Variants in MYLK observed in about 807,000 individuals in gnomAD.
MYLK encodes the protein myosin light chain kinase, smooth muscle.
In MYLK, 106 loss-of-function variants were observed where a neutral mutation model predicts 203.4. That is an observed-to-expected ratio of 0.52 (90% CI 0.45 to 0.61). The LOEUF (loss-of-function observed/expected upper bound fraction) is 0.61. Ranked by LOEUF, MYLK falls within the 20% of genes least tolerant of loss-of-function variation. The pLI is 0.00. For missense variants in MYLK, 2,072 were observed against 2,442.3 expected, an observed-to-expected ratio of 0.85 and a Z score of 3.20; for synonymous variants, 867 against 959.5, an observed-to-expected ratio of 0.90 and a Z score of 1.78.
At chr3:123,657,068 AC>A in intron 24 of MYLK, 57 bp downstream of exon 24, 1 of 1,586,840 alleles carries the variant, frequency 6.3e-7, no homozygotes, top group Non-Finnish European at 8.7e-7. Flanking sequence ...GTCTTTACAT[AC>A]ACAAGGTCAG....
chr3:123,642,581 G>A lies in MYLK; in HGVS notation c.4620-2077C>T, dbSNP rs1176210533. On this transcript the variant is annotated intron_variant, in intron 27 of 33. Coordinates refer to ENST00000360304, the MANE Select transcript of MYLK (RefSeq NM_053025.4). The surrounding 1 kb of genome is among the most constrained non-coding windows in gnomAD (Gnocchi z 4.2). ...TACTTTAAAACCCATCTGAGAAGAA[G>A]GTCCCCAAATGGCCTGCAGGTGGCG... Among the ~76,000 whole-genome samples the A allele has an allele frequency of 1.3e-5, 2 of 152,170 alleles. No individual in the cohort carries two copies.
At chr3:123,615,315 A>AGAT (rs1429444630) in intron 33 of MYLK, among the ~76,000 whole-genome samples, 2 of 152,000 alleles carry the variant, frequency 1.3e-5, no homozygotes, top group African/African-American at 4.8e-5. Context: ...ATACCTTCTT[A>AGAT]GATTGAAAAT....
chr3:123,753,652 G>T (rs1187562470), intron 4 of MYLK, among the ~76,000 whole-genome samples: 3 of 152,110 alleles, frequency 2.0e-5, no homozygotes, highest in Non-Finnish European at 4.4e-5. Flanking sequence ...AAGAAAGGAA[G>T]TCCCCCAAGG....
intron 3 of MYLK, among the ~76,000 whole-genome samples, chr3:123,796,342 T>TAGGGGGCA: frequency 6.6e-6 from 1 of 152,140 alleles, no homozygotes; most frequent in East Asian, 1.9e-4. Flanking sequence ...AACAGGCATT[T>TAGGGGGCA]GAACCCAAGC....
intron 20 of MYLK, among the ~76,000 whole-genome samples, chr3:123,675,686 C>T (rs1485127898): frequency 6.6e-6 from 1 of 152,112 alleles, no homozygotes; most frequent in African/African-American, 2.4e-5. Context: ...TTCAAAATTC[C>T]CAAAATCAGC....
intron 4 of MYLK, among the ~76,000 whole-genome samples, chr3:123,767,165 G>A (rs976971496): frequency 2.0e-5 from 3 of 152,206 alleles, no homozygotes; most frequent in Non-Finnish European, 4.4e-5. Flanking sequence ...GAATTGGCGG[G>A]GGCTGGGGCC....
rs554289964 is a variant in MYLK at position 123,796,523 on chromosome 3, T to A, written c.-3-2679A>T. Among the ~76,000 whole-genome samples the A allele has an allele frequency of 3.7e-4, 56 of 152,122 alleles. 1 individual carries two copies. Among genetic ancestry groups the A allele is most frequent in the Admixed American group, 1.6e-3 (25 of 15,280 alleles). Reference sequence around the variant, plus strand: ...ATATTCTGTAATACTATCAACAACATTAGAAGATGGGTGATAACCTGGAAT... The same window carrying A: ...ATATTCTGTAATACTATCAACAACAATAGAAGATGGGTGATAACCTGGAAT... On this transcript the variant is annotated intron_variant, in intron 3 of 33. Transcript: ENST00000360304.
chr3:123,707,778 G>A lies in MYLK; in HGVS notation c.2366C>T (p.Ala789Val), dbSNP rs767418150. ...CTTGAGCAGGATCTCATACTGGCCG[G>A]CATGCCAGGGCTGCACCTTCTTTAG... ...LVLKKVQPWH[A>V]GQYEILLKNR... The change falls in exon 16 of 34, where the codon GCC (alanine) becomes GTC (valine). Residue 789 changes from alanine (A) to valine (V), a missense_variant. Ala to Val is a moderately conservative substitution (Grantham distance 64, BLOSUM62 0). Around this residue, in one of 3 missense-constraint regions of MYLK, gnomAD observed 865 missense variants for 1,016.0 expected, o/e 0.85. Transcript: ENST00000360304. 2 of 1,614,228 alleles carry A rather than the reference G, an allele frequency of 1.2e-6. No individual in the cohort carries two copies. Among genetic ancestry groups the A allele is most frequent in the Admixed American group, 1.7e-5 (1 of 60,032 alleles).
At chr3:123,690,535 G>A (rs1239960229) in intron 19 of MYLK, among the ~76,000 whole-genome samples, 1 of 152,208 alleles carries the variant, frequency 6.6e-6, no homozygotes, top group Admixed American at 6.5e-5. Flanking sequence ...GTGGGGTGGA[G>A]CACCAGACGA....
At chr3:123,643,185 G>A (rs553325415) in intron 27 of MYLK, among the ~76,000 whole-genome samples, 10 of 152,262 alleles carry the variant, frequency 6.6e-5, no homozygotes, top group East Asian at 1.9e-4. Context: ...CCTCGTCTCC[G>A]CACTTTGTGT....
chr3:123,854,330 T>C (rs1193698785), intron 2 of MYLK, among the ~76,000 whole-genome samples: 3 of 152,004 alleles, frequency 2.0e-5, no homozygotes, highest in African/African-American at 7.2e-5. Context: ...AAAAAATCTA[T>C]AATTATTATC....
At chr3:123,845,988 C>T (rs2029931543) in intron 2 of MYLK, among the ~76,000 whole-genome samples, 1 of 152,168 alleles carries the variant, frequency 6.6e-6, no homozygotes, top group African/African-American at 2.4e-5. Context: ...GTACATTTTT[C>T]AAAACTAAGA....
At chr3:123,847,450 T>A (rs1187285291) in intron 2 of MYLK, among the ~76,000 whole-genome samples, 1 of 152,160 alleles carries the variant, frequency 6.6e-6, no homozygotes, top group African/African-American at 2.4e-5. Flanking sequence ...CAATGCTGAA[T>A]ATAGCAATAA....
chr3:123,848,159 A>G (rs977301588), intron 2 of MYLK, among the ~76,000 whole-genome samples: 7 of 151,504 alleles, frequency 4.6e-5, no homozygotes, highest in Admixed American at 4.6e-4. Flanking sequence ...TAACATAAAA[A>G]TTTTCAGAGT....
At chr3:123,641,787 C>CCTCTCTTCCCTCCCTCT (rs2058845555) in intron 27 of MYLK, among the ~76,000 whole-genome samples, 1 of 146,638 alleles carries the variant, frequency 6.8e-6, no homozygotes, top group African/African-American at 2.6e-5. Context: ...TCCCTCCCTC[C>CCTCTCTTCCCTCCCTCT]CTTCCTCCCT....
At position 123,764,490 on chromosome 3, in the gene MYLK, G is replaced by A. The variant is rs61657366; in HGVS notation, c.166-11952C>T. On this transcript the variant is annotated intron_variant, in intron 4 of 33. Coordinates refer to ENST00000360304, the MANE Select transcript of MYLK (RefSeq NM_053025.4). ...TGGGGTGGAGGGTGGGTACAGCAAC[G>A]AAGTCTGTCTACCAGCATTTAGTAC... Among the ~76,000 whole-genome samples the A allele has an allele frequency of 2.0e-4, 30 of 152,226 alleles. No individual in the cohort carries two copies. The East Asian group carries it at 5.0e-3, about 25-fold the overall frequency.
intron 9 of MYLK, 50 bp from the exon 10 acceptor site, chr3:123,734,272 A>G: frequency 2.1e-6 from 3 of 1,457,164 alleles, no homozygotes; most frequent in Non-Finnish European, 2.7e-6. Context: ...AGGGGAGAAT[A>G]GAATGATCAT....
intron 13 of MYLK, among the ~76,000 whole-genome samples, chr3:123,711,085 T>C (rs533387213): frequency 2.6e-5 from 4 of 151,130 alleles, no homozygotes; most frequent in East Asian, 1.9e-4. Context: ...AGCAAGATTC[T>C]GTCTCAAAAA....
chr3:123,661,344 T>C (rs2108301203), intron 23 of MYLK, among the ~76,000 whole-genome samples: 1 of 152,278 alleles, frequency 6.6e-6, no homozygotes, highest in East Asian at 1.9e-4. Flanking sequence ...TTTAAACTGA[T>C]GCTTGCTGAT....
Sources: allele counts gnomAD v4.1 joint callset (sites outside exome capture counted in the v4.1 genomes callset), GRCh38; gene constraint gnomAD v4.1.1; regional missense constraint gnomAD v4.1.1; non-coding constraint Gnocchi (gnomAD v3.1); transcripts MANE v1.5; gene names NCBI Gene and HGNC (gene_info 2026-07-23, HGNC 2026-07-21).